EYA2: variants seen among roughly 807,000 people sequenced by gnomAD.
EYA2 encodes the protein protein phosphatase EYA2.
Under a neutral mutation model 69.2 loss-of-function variants are expected in EYA2, and 31 were observed. The observed-to-expected ratio is 0.45, with a 90% CI of 0.34 to 0.60. The LOEUF is 0.60. Ranked by LOEUF, EYA2 falls within the 20% of genes least tolerant of loss-of-function variation. EYA2 has a pLI of 0.02. For synonymous variants in EYA2, 257 were observed against 279.4 expected (o/e 0.92, Z 0.80); for missense variants, 622 against 701.2 (o/e 0.89, Z 1.28).
chr20:47,140,223 G>A (rs1032288751), intron 9 of EYA2, among the ~76,000 whole-genome samples: 57 of 152,136 alleles, frequency 3.7e-4, no homozygotes, highest in Admixed American at 1.4e-3. Flanking sequence ...GGTCACACAC[G>A]ATTCCCTCCT....
intron 1 of EYA2, among the ~76,000 whole-genome samples, chr20:46,944,348 G>A (rs6094523): frequency 4.6e-5 from 7 of 152,202 alleles, no homozygotes; most frequent in African/African-American, 1.7e-4. Context: ...GGGCGGGTTC[G>A]TAAGGGCTGC....
chr20:47,089,952 AAGGCT>A (rs959047104), intron 8 of EYA2, among the ~76,000 whole-genome samples: 3 of 152,012 alleles, frequency 2.0e-5, no homozygotes, highest in Non-Finnish European at 4.4e-5. Flanking sequence ...GGACTCTAAT[AAGGCT>A]TAGATATTGA....
intron 9 of EYA2, among the ~76,000 whole-genome samples, chr20:47,118,486 C>T (rs560864336): frequency 9.6e-6 from 1 of 104,102 alleles, no homozygotes; most frequent in Non-Finnish European, 1.9e-5. Context: ...AGAGATGTCC[C>T]GGAGGTGAAT....
At chr20:47,036,938 C>A (rs1984752212) in intron 5 of EYA2, among the ~76,000 whole-genome samples, 1 of 152,166 alleles carries the variant, frequency 6.6e-6, no homozygotes, top group African/African-American at 2.4e-5. Flanking sequence ...AGTTTGTTTT[C>A]ACACTGCTAT....
intron 1 of EYA2, among the ~76,000 whole-genome samples, chr20:46,906,028 A>G (rs1984336960): frequency 1.3e-5 from 2 of 152,166 alleles, no homozygotes; most frequent in Admixed American, 6.5e-5. Flanking sequence ...TGATGTGGGC[A>G]CCCTTTCCAC....
chr20:46,930,564 A>G (rs1985624039), intron 1 of EYA2, among the ~76,000 whole-genome samples: 1 of 152,156 alleles, frequency 6.6e-6, no homozygotes, highest in Admixed American at 6.6e-5. Flanking sequence ...GTAATGCTAT[A>G]GAAAGCACCA....
intron 1 of EYA2, among the ~76,000 whole-genome samples, chr20:46,937,650 T>TA (rs1491165357): frequency 1.3e-4 from 3 of 22,794 alleles, no homozygotes; most frequent in Non-Finnish European, 2.4e-4. Context: ...CATGCCTTGA[T>TA]TTTTTTTTTT....
In EYA2 at chr20:47,143,926, A is replaced by C. The variant is rs561314569; in HGVS notation, c.978+778A>C. Among the ~76,000 whole-genome samples the C allele has an allele frequency of 1.9e-4, 29 of 152,358 alleles. No homozygotes were observed. In the East Asian group the frequency reaches 4.8e-3, roughly 25 times the overall value. On this transcript the variant is annotated intron_variant, in intron 10 of 15. Transcript: ENST00000327619. ...TAGCCAAAGTAAAGAGGGAAATACA[A>C]TGAGTTACTTCTCTCTAATGAAAGA...
intron 3 of EYA2, among the ~76,000 whole-genome samples, chr20:47,004,480 G>C (rs1477408576): frequency 2.5e-5 from 1 of 40,694 alleles, no homozygotes; most frequent in African/African-American, 5.2e-5. Flanking sequence ...ACACAACAAA[G>C]GTTTGTTTCT....
At chr20:47,173,427 G>T (rs2034365356) in intron 12 of EYA2, among the ~76,000 whole-genome samples, 1 of 149,444 alleles carries the variant, frequency 6.7e-6, no homozygotes, top group African/African-American at 2.5e-5. Context: ...GGTTAGAAGT[G>T]CAGGGTCACC....
chr20:47,108,933 G>C (rs912199079), intron 9 of EYA2, among the ~76,000 whole-genome samples: 1 of 152,060 alleles, frequency 6.6e-6, no homozygotes, highest in East Asian at 1.9e-4. Context: ...GAATCCTGGC[G>C]ATGGGTGAGG....
rs6018313 is a variant in EYA2, at chr20:47,171,026, T to C, written c.1038-1681T>C. ...GGAAAATCCCTTCTGCAATCAGGAC[T>C]GGCAAGGAGCAAAGCTCCAGCCCCA... On this transcript the variant is annotated intron_variant, in intron 11 of 15. Transcript: ENST00000327619. 4.5e-3 allele frequency among the ~76,000 whole-genome samples: 684 copies of C among 152,354 alleles called. 8 individuals are homozygous for C. Among genetic ancestry groups the C allele is most frequent in the African/African-American group, 0.016 (650 of 41,580 alleles).
At chr20:47,036,437 G>T (rs766074568) in intron 5 of EYA2, among the ~76,000 whole-genome samples, 3 of 152,276 alleles carry the variant, frequency 2.0e-5, no homozygotes, top group Non-Finnish European at 4.4e-5. Context: ...TTTCCAATCA[G>T]CCCAGGGTTC....
intron 4 of EYA2, among the ~76,000 whole-genome samples, chr20:47,014,488 T>G (rs1003389077): frequency 2.0e-5 from 3 of 152,186 alleles, no homozygotes; most frequent in African/African-American, 7.2e-5. Flanking sequence ...ACTCACTCAG[T>G]GACTGGAGAG....
At position 46,894,863 on chromosome 20, in the gene EYA2, A is replaced by AGGCGGAGGCAGCGGCAAC. The variant is rs1167547598; in HGVS notation, c.-131_-114dup. 3 of 150,914 alleles carry AGGCGGAGGCAGCGGCAAC rather than the reference A, an allele frequency of 2.0e-5. No individual in the cohort carries two copies. Among genetic ancestry groups the AGGCGGAGGCAGCGGCAAC allele is most frequent in the Non-Finnish European group, 4.4e-5 (3 of 67,694 alleles). The allele number at this position is 150,914 out of a possible 1,614,324, so 9.3% of individuals were successfully genotyped here. A position where few individuals can be genotyped will look rare whatever the true frequency, so the allele number is the denominator to read the frequency against. Reference sequence around the variant, plus strand: ...CAGGCAGCAGCCGCGGCAGCCCAGGAGGCGGAGGCAGCGGCAACGGCAGAG... The same window carrying AGGCGGAGGCAGCGGCAAC: ...CAGGCAGCAGCCGCGGCAGCCCAGGAGGCGGAGGCAGCGGCAACGGCGGAGGCAGCGGCAACGGCAGAG... On this transcript the variant is annotated 5_prime_UTR_variant, in exon 1 of 16. Transcript: ENST00000327619.
chr20:46,969,372 C>T (rs957508763), intron 1 of EYA2, among the ~76,000 whole-genome samples: 2 of 152,176 alleles, frequency 1.3e-5, no homozygotes, highest in African/African-American at 4.8e-5. Context: ...CATGAGCCAC[C>T]GTGCCCGGCC....
Position 47,182,118 on chromosome 20 carries a change from C to T in EYA2, c.1436-1173C>T, listed in dbSNP as rs376208774. On this transcript the variant is annotated intron_variant, in intron 14 of 15. Transcript: ENST00000327619. ...ACAACCTCCGCCTCCTGGGTTCAAG[C>T]AGTTCTCCTGCCTCAGCCTCCTGAG... Among the ~76,000 whole-genome samples, 31 of 152,028 alleles carry T rather than the reference C, an allele frequency of 2.0e-4. No individual in the cohort carries two copies. The East Asian group carries it at 3.1e-3, about 15-fold the overall frequency.
At chr20:47,004,260 A>T (rs1458149499) in intron 3 of EYA2, among the ~76,000 whole-genome samples, 1 of 152,236 alleles carries the variant, frequency 6.6e-6, no homozygotes, top group East Asian at 1.9e-4. Flanking sequence ...CAGATTCAGG[A>T]TTCAAGCAAT....
chr20:47,026,307 A>G (rs1208520283), intron 5 of EYA2, among the ~76,000 whole-genome samples: 1 of 152,238 alleles, frequency 6.6e-6, no homozygotes, highest in Non-Finnish European at 1.5e-5. Flanking sequence ...TAAAAATAAA[A>G]CCATAAAAAT....
Sources: gnomAD v4.1 joint callset for allele counts (sites outside exome capture counted in the v4.1 genomes callset) on GRCh38, gnomAD v4.1.1 for gene constraint, MANE v1.5 for transcripts, NCBI Gene and HGNC (gene_info 2026-07-23, HGNC 2026-07-21) for gene names.